Variants in MTCL1 observed in about 807,000 individuals in gnomAD.
MTCL1 encodes microtubule cross-linking factor 1.
Under a neutral mutation model 141.4 loss-of-function variants are expected in MTCL1, and 79 were observed. The ratio of observed to expected loss-of-function variants is 0.56; its 90% CI spans 0.47 to 0.67. The LOEUF (loss-of-function observed/expected upper bound fraction) is 0.67, where lower values mean the gene tolerates loss of function less well. Ranked by LOEUF, MTCL1 falls within the 30% of genes least tolerant of loss-of-function variation. The probability of loss-of-function intolerance (pLI) is 0.00; values close to 1 mark genes in which losing one functional copy is unlikely to be tolerated. For synonymous variants in MTCL1, 914 were observed against 875.8 expected, an observed-to-expected ratio of 1.04 and a Z score of -0.77; for missense variants, 2,177 against 2,113.9, an observed-to-expected ratio of 1.03 and a Z score of -0.59.
chr18:8,786,309 A>C, intron 7 of MTCL1: 1 of 704,008 alleles, frequency 1.4e-6, no homozygotes, highest in Non-Finnish European at 2.6e-6. Context: ...CGTCAGACAG[A>C]GGGACAGCTC....
intron 4 of MTCL1, among the ~76,000 whole-genome samples, chr18:8,774,254 ATGTG>A (rs138724389): frequency 0.065 from 9,731 of 150,096 alleles, 466 homozygotes; most frequent in East Asian, 0.24. Context: ...CTCTTTTCGA[ATGTG>A]TGTGTGTGTG....
chr18:8,830,049 A>T lies in MTCL1; in HGVS notation c.*18+1085A>T, dbSNP rs1421218442. 1 of 985,340 alleles carries T rather than the reference A, an allele frequency of 1.0e-6. No homozygotes were observed. Among genetic ancestry groups the T allele is most frequent in the African/African-American group, 1.7e-5 (1 of 57,210 alleles). The allele number at this position is 985,340 out of a possible 1,614,324, so 61.0% of individuals were successfully genotyped here. On this transcript the variant is annotated intron_variant, in intron 16 of 16. Transcript: ENST00000359865. The surrounding 1 kb of genome is among the most constrained non-coding windows in gnomAD (Gnocchi z 6.4). ...TTCACCAACACACAACACACACAGAACAGATACACAATACACAACACACAC... is the reference window on the plus strand; with the variant it reads ...TTCACCAACACACAACACACACAGATCAGATACACAATACACAACACACAC...
chr18:8,765,374 G>C (rs2096454924), intron 4 of MTCL1, among the ~76,000 whole-genome samples: 1 of 152,230 alleles, frequency 6.6e-6, no homozygotes, highest in Non-Finnish European at 1.5e-5. Flanking sequence ...ACGACTGATT[G>C]AAAGAGCAAA....
At chr18:8,780,901 C>T (rs1195088362) in intron 5 of MTCL1, among the ~76,000 whole-genome samples, 1 of 152,078 alleles carries the variant, frequency 6.6e-6, no homozygotes, top group African/African-American at 2.4e-5. Flanking sequence ...GGTGTGGTGG[C>T]TCATACCTGT....
At chr18:8,784,573 T>C (rs2096544235) in exon 6 of MTCL1, 2 of 1,609,982 alleles carry the variant, frequency 1.2e-6, no homozygotes, top group East Asian at 4.5e-5. Context: ...TGCGGGGTGG[T>C]GCGCCCTTAC....
chr18:8,714,710 C>G (rs1469993631), upstream of MTCL1, among the ~76,000 whole-genome samples: 2 of 152,296 alleles, frequency 1.3e-5, no homozygotes, highest in South Asian at 4.1e-4. Context: ...CCTCCTGTGA[C>G]ACGTGAGGAT....
At chr18:8,765,366 G>A (rs1007188015) in intron 4 of MTCL1, among the ~76,000 whole-genome samples, 42 of 152,336 alleles carry the variant, frequency 2.8e-4, no homozygotes, top group Admixed American at 4.6e-4. Context: ...CTGAACAGAC[G>A]ACTGATTGAA....
At chr18:8,789,818 CAT>C (rs555379601) in intron 7 of MTCL1, 43 of 576,112 alleles carry the variant, frequency 7.5e-5, no homozygotes, top group Admixed American at 4.4e-4. Context: ...ATTTATGTGT[CAT>C]GTGAAACTTT....
intron 4 of MTCL1, among the ~76,000 whole-genome samples, chr18:8,747,987 C>T (rs539127122): frequency 6.6e-5 from 10 of 152,294 alleles, no homozygotes; most frequent in Middle Eastern, 3.4e-3. Flanking sequence ...GTCACCCACA[C>T]ACCTAAGCTC....
chr18:8,783,944 C>T (rs767589620), exon 6 of MTCL1: 2 of 1,613,600 alleles, frequency 1.2e-6, no homozygotes, highest in East Asian at 4.5e-5. Flanking sequence ...CCGCCGCCAC[C>T]TGCAGTTTGT....
chr18:8,756,091 C>T (rs564224062), intron 4 of MTCL1, among the ~76,000 whole-genome samples: 4 of 152,286 alleles, frequency 2.6e-5, no homozygotes, highest in East Asian at 1.9e-4. Context: ...GGGCCAAGAT[C>T]GCACCACTGC....
At chr18:8,777,050 C>T (rs950322561) in intron 4 of MTCL1, among the ~76,000 whole-genome samples, 5 of 151,936 alleles carry the variant, frequency 3.3e-5, no homozygotes, top group Admixed American at 6.6e-5. Flanking sequence ...CTGGCTAACA[C>T]GGTGAAACCC....
intron 4 of MTCL1, among the ~76,000 whole-genome samples, chr18:8,773,176 A>T (rs2096491915): frequency 6.6e-6 from 1 of 152,116 alleles, no homozygotes; most frequent in East Asian, 1.9e-4. Context: ...TCCTTAGGGT[A>T]TGTTCTCAGA....
At chr18:8,820,621 TCCCA>T (rs1483276079) in intron 13 of MTCL1, among the ~76,000 whole-genome samples, 1 of 152,178 alleles carries the variant, frequency 6.6e-6, no homozygotes, top group African/African-American at 2.4e-5. Flanking sequence ...ATTGCCACAG[TCCCA>T]CCCTGTCTGA....
intron 12 of MTCL1, among the ~76,000 whole-genome samples, chr18:8,817,819 G>C (rs892753821): frequency 1.3e-5 from 2 of 152,172 alleles, no homozygotes; most frequent in African/African-American, 4.8e-5. Context: ...GTGTGAGCTT[G>C]TCATCCAATA....
At chr18:8,823,677 C>T (rs1465791900) in intron 14 of MTCL1, among the ~76,000 whole-genome samples, 2 of 152,216 alleles carry the variant, frequency 1.3e-5, no homozygotes, top group Non-Finnish European at 2.9e-5. Flanking sequence ...GAATGCCTAA[C>T]GATGTCACTT....
At chr18:8,766,034 C>T (rs778456052) in intron 4 of MTCL1, among the ~76,000 whole-genome samples, 3 of 152,094 alleles carry the variant, frequency 2.0e-5, no homozygotes, top group Non-Finnish European at 4.4e-5. Context: ...TATGTACCCA[C>T]AGGAGGTCTT....
chr18:8,746,477 A>G (rs7238369), intron 4 of MTCL1, among the ~76,000 whole-genome samples: 1,583 of 152,332 alleles, frequency 0.01, 32 homozygotes, highest in African/African-American at 0.035. Context: ...TGTCACTCTT[A>G]TGAGCATTGT....
intron 11 of MTCL1, among the ~76,000 whole-genome samples, chr18:8,807,531 C>A (rs1441744546): frequency 6.6e-6 from 1 of 152,186 alleles, no homozygotes; most frequent in Non-Finnish European, 1.5e-5. Context: ...ATTTCAGTCT[C>A]CTTATTTATA....
Sources: gnomAD v4.1 joint callset for allele counts (sites outside exome capture counted in the v4.1 genomes callset) on GRCh38, gnomAD v4.1.1 for gene constraint, Gnocchi (gnomAD v3.1) non-coding constraint, MANE v1.5 for transcripts, NCBI Gene and HGNC (gene_info 2026-07-23, HGNC 2026-07-21) for gene names.